The following ASCC1 variants were observed in gnomAD, a reference collection of about 807,000 sequenced individuals.
The protein encoded by ASCC1 is activating signal cointegrator 1 complex subunit 1.
A neutral mutation model predicts 46.6 loss-of-function variants in ASCC1; 35 were observed. That is an observed-to-expected ratio of 0.75 (90% CI 0.57 to 0.99). The LOEUF (loss-of-function observed/expected upper bound fraction) is 0.99. ASCC1 is among the 50% of genes least tolerant of loss of function. The pLI is 0.00. For missense variants in ASCC1, 376 were observed against 428.7 expected (o/e 0.88, Z 1.09); for synonymous variants, 143 against 146.6 (o/e 0.98, Z 0.18).
intron 9 of ASCC1, among the ~76,000 whole-genome samples, chr10:72,122,739 C>T (rs1844358844): frequency 6.6e-6 from 1 of 152,142 alleles, no homozygotes; most frequent in Non-Finnish European, 1.5e-5. Context: ...GATTGTGCCA[C>T]TGCACTCCAG....
chr10:72,137,073 C>T (rs1174637022), intron 7 of ASCC1, among the ~76,000 whole-genome samples: 1 of 151,960 alleles, frequency 6.6e-6, no homozygotes, highest in African/African-American at 2.4e-5. Flanking sequence ...CCATGCCCAG[C>T]TAATTTTTTT....
intron 1 of ASCC1, 140 bp downstream of exon 1, chr10:72,216,067 G>C (rs1210362666): frequency 6.6e-6 from 1 of 152,348 alleles, no homozygotes; most frequent in Non-Finnish European, 1.5e-5. Flanking sequence ...CGCGGTCCTC[G>C]TCGTGGTGAG....
intron 9 of ASCC1, among the ~76,000 whole-genome samples, chr10:72,124,845 TG>T (rs1844662775): frequency 6.6e-6 from 1 of 152,000 alleles, no homozygotes; most frequent in African/African-American, 2.4e-5. Context: ...TGGAGCTATC[TG>T]GCACTTTTCC....
At chr10:72,131,439 TACACACACACACACAC>T (rs71927487) in intron 8 of ASCC1, among the ~76,000 whole-genome samples, 7 of 139,420 alleles carry the variant, frequency 5.0e-5, no homozygotes, top group Middle Eastern at 3.5e-3. Context: ...AAAATAAAAA[TACACACACACACACAC>T]ACACACACAC....
intron 5 of ASCC1, among the ~76,000 whole-genome samples, chr10:72,167,594 T>A (rs901915853): frequency 1.3e-5 from 2 of 152,068 alleles, no homozygotes; most frequent in Non-Finnish European, 2.9e-5. Flanking sequence ...TTATGGTATG[T>A]AAATTATACC....
intron 5 of ASCC1, among the ~76,000 whole-genome samples, chr10:72,166,113 T>A (rs1428983420): frequency 1.3e-5 from 2 of 152,188 alleles, no homozygotes; most frequent in African/African-American, 4.8e-5. Context: ...CTAAAGTCTA[T>A]ACTTTTGATC....
At chr10:72,163,467 G>A (rs561264379) in intron 5 of ASCC1, among the ~76,000 whole-genome samples, 1 of 152,284 alleles carries the variant, frequency 6.6e-6, no homozygotes, top group South Asian at 2.1e-4. Flanking sequence ...GGCCGCGGTG[G>A]CTCATGCCTG....
chr10:72,162,703 G>C (rs1194355119), intron 5 of ASCC1, among the ~76,000 whole-genome samples: 1 of 152,096 alleles, frequency 6.6e-6, no homozygotes, highest in Non-Finnish European at 1.5e-5. Flanking sequence ...AACATTTTGG[G>C]AGGCTGAGGC....
chr10:72,097,743 G>A (rs1841253362), intron 9 of ASCC1, among the ~76,000 whole-genome samples: 1 of 152,242 alleles, frequency 6.6e-6, no homozygotes, highest in South Asian at 2.1e-4. Context: ...GACCAGATAT[G>A]ACCAAGAACT....
chr10:72,131,876 T>C (rs906926758), intron 8 of ASCC1, among the ~76,000 whole-genome samples: 2 of 124,664 alleles, frequency 1.6e-5, no homozygotes, highest in Non-Finnish European at 3.1e-5. Context: ...TAGATAGATT[T>C]TTTTTTTTTT....
chr10:72,102,691 T>C (rs1306860433), intron 9 of ASCC1, among the ~76,000 whole-genome samples: 3 of 152,082 alleles, frequency 2.0e-5, no homozygotes, highest in Non-Finnish European at 4.4e-5. Flanking sequence ...CATTAAAAGA[T>C]TGGCCGGATG....
At chr10:72,189,343 G>A (rs1854027964) in intron 5 of ASCC1, among the ~76,000 whole-genome samples, 1 of 152,008 alleles carries the variant, frequency 6.6e-6, no homozygotes, top group Non-Finnish European at 1.5e-5. Flanking sequence ...GGGAGGCAGA[G>A]CTTGCAGTAA....
intron 2 of ASCC1, among the ~76,000 whole-genome samples, chr10:72,211,090 G>C (rs572844140): frequency 6.6e-6 from 1 of 152,096 alleles, no homozygotes; most frequent in Admixed American, 6.6e-5. Context: ...ATATGCATAC[G>C]GTAGTTCCCC....
At position 72,201,023 on chromosome 10, in the gene ASCC1, G is replaced by A. The variant is rs368380660; in HGVS notation, c.310+2404C>T. The stretch of plus-strand genomic sequence containing the variant: ...AAAGTCATACGCATGACCAGTACCT[G>A]ACACGTGCGGCTCCTGTGCTACACT... On this transcript the variant is annotated intron_variant, in intron 4 of 9. Transcript: ENST00000672957. 9.1e-4 allele frequency among the ~76,000 whole-genome samples: 139 copies of A among 152,298 alleles called. 2 individuals carry two copies. The South Asian group carries it at 0.012, about 13-fold the overall frequency.
At chr10:72,163,644 A>C (rs2132717728) in intron 5 of ASCC1, among the ~76,000 whole-genome samples, 1 of 151,992 alleles carries the variant, frequency 6.6e-6, no homozygotes, top group African/African-American at 2.4e-5. Flanking sequence ...CTGAGGCAGG[A>C]GAATTGCTTG....
At chr10:72,132,913 C>G (rs1845770106) in intron 8 of ASCC1, 144 bp downstream of exon 8, 2 of 969,902 alleles carry the variant, frequency 2.1e-6, no homozygotes, top group African/African-American at 1.6e-5. Flanking sequence ...TCTTGCCCAC[C>G]TCTACTATGC....
At chr10:72,133,362 T>C in intron 7 of ASCC1, 181 bp from the exon 8 acceptor site, 1 of 644,236 alleles carries the variant, frequency 1.6e-6, no homozygotes, top group Non-Finnish European at 2.8e-6. Flanking sequence ...TCAGTCTTGT[T>C]TGTCTGCTTA....
rs111450633 is a variant in ASCC1 at position 72,207,887 on chromosome 10, C to A, written c.212+2845G>T. Among the ~76,000 whole-genome samples the A allele has an allele frequency of 6.4e-3, 971 of 152,012 alleles. 8 individuals carry two copies. Among genetic ancestry groups the A allele is most frequent in the African/African-American group, 0.022 (896 of 41,414 alleles). On this transcript the variant is annotated intron_variant, in intron 3 of 9. Transcript: ENST00000672957. ...ATTACATTGGCACAATCATAGCTCA[C>A]TGTAACCTTGAACTTCTGGGCTCCA...
At chr10:72,192,276 A>G (rs1172768146) in intron 5 of ASCC1, among the ~76,000 whole-genome samples, 1 of 152,004 alleles carries the variant, frequency 6.6e-6, no homozygotes, top group Non-Finnish European at 1.5e-5. Context: ...CAATATGGTG[A>G]AACCCCATCT....
Sources: gnomAD v4.1 joint callset for allele counts (sites outside exome capture counted in the v4.1 genomes callset) on GRCh38, gnomAD v4.1.1 for gene constraint, MANE v1.5 for transcripts, NCBI Gene and HGNC (gene_info 2026-07-23, HGNC 2026-07-21) for gene names.